MALT1: variants seen among roughly 807,000 people sequenced by gnomAD.
MALT1 encodes the protein mucosa-associated lymphoid tissue lymphoma translocation protein 1.
MALT1 carries 36 observed loss-of-function variants against 85.5 expected under a neutral mutation model. The observed-to-expected ratio is 0.42, with a 90% CI of 0.32 to 0.56. The LOEUF (loss-of-function observed/expected upper bound fraction) is 0.56, where lower values mean the gene tolerates loss of function less well. MALT1 is among the 20% of genes least tolerant of loss of function. The probability of loss-of-function intolerance (pLI) is 0.10; values close to 1 mark genes in which losing one functional copy is unlikely to be tolerated. For missense variants in MALT1, 716 were observed against 981.6 expected (o/e 0.73, Z 3.62); for synonymous variants, 359 against 361.3 (o/e 0.99, Z 0.07).
chr18:58,734,218 T>G (rs1288410417), intron 11 of MALT1, 89 bp from the exon 12 acceptor site: 2 of 1,123,268 alleles, frequency 1.8e-6, no homozygotes, highest in Non-Finnish European at 2.6e-6. Context: ...TCTAAAAAAC[T>G]GTTGTATTTT....
intron 13 of MALT1, among the ~76,000 whole-genome samples, chr18:58,736,221 A>G (rs1183740536): frequency 2.6e-5 from 4 of 152,242 alleles, no homozygotes; most frequent in Admixed American, 6.5e-5. Flanking sequence ...CAGTTTGGGT[A>G]TAAGGTGTTT....
At position 58,733,167 on chromosome 18, in the gene MALT1, T is replaced by TC. The variant is rs368351682; in HGVS notation, c.1223-227dup. 4.2e-3 allele frequency among the ~76,000 whole-genome samples: 636 copies of TC among 152,308 alleles called. 7 individuals carry two copies. The highest frequency in any genetic ancestry group is 0.014 in the African/African-American group (588 of 41,542). ...CTCAAGTGATCTGCCTGCCTCGGCC[T>TC]CCCAAAGTGCTGGGATTATAGGTGT... is the stretch of plus-strand genomic sequence containing the variant. On this transcript the variant is annotated intron_variant, in intron 10 of 16. Transcript: ENST00000649217.
chr18:58,702,223 A>G (rs540946890), intron 4 of MALT1, among the ~76,000 whole-genome samples: 2 of 149,632 alleles, frequency 1.3e-5, no homozygotes, highest in South Asian at 4.3e-4. Flanking sequence ...AAAAATGCAA[A>G]AAAAAAAAAA....
chr18:58,701,898 T>C (rs946973369), intron 4 of MALT1, among the ~76,000 whole-genome samples: 4 of 152,196 alleles, frequency 2.6e-5, no homozygotes, highest in Admixed American at 2.6e-4. Context: ...CCAATAGCAC[T>C]CAGTAGATGT....
At chr18:58,736,781 G>C (rs2055227486) in intron 13 of MALT1, among the ~76,000 whole-genome samples, 2 of 152,210 alleles carry the variant, frequency 1.3e-5, no homozygotes, top group Admixed American at 1.3e-4. Flanking sequence ...AGTGTACATG[G>C]AGCACACTCA....
chr18:58,736,648 C>G (rs555075551), intron 13 of MALT1, among the ~76,000 whole-genome samples: 1 of 152,160 alleles, frequency 6.6e-6, no homozygotes, highest in East Asian at 1.9e-4. Context: ...AATGGCATCC[C>G]GATATGTGCT....
chr18:58,722,549 TTCTC>T (rs199667565), intron 9 of MALT1, among the ~76,000 whole-genome samples: 8 of 151,948 alleles, frequency 5.3e-5, no homozygotes, highest in Admixed American at 3.3e-4. Flanking sequence ...ACCCGTGAAG[TTCTC>T]TCTCTCTTTG....
chr18:58,693,345 C>T (rs1026007108), intron 2 of MALT1, among the ~76,000 whole-genome samples: 1 of 152,142 alleles, frequency 6.6e-6, no homozygotes, highest in African/African-American at 2.4e-5. Flanking sequence ...TTGCTTACAC[C>T]TGGAAGGCGG....
At chr18:58,711,010 T>C in intron 7 of MALT1, 57 bp downstream of exon 7, 1 of 1,311,642 alleles carries the variant, frequency 7.6e-7, no homozygotes, top group African/African-American at 1.5e-5. Context: ...ACTCTTGGGA[T>C]TGGTGGAGTG....
At chr18:58,705,009 G>A (rs1451400085) in intron 4 of MALT1, among the ~76,000 whole-genome samples, 2 of 141,162 alleles carry the variant, frequency 1.4e-5, no homozygotes, top group Non-Finnish European at 3.1e-5. Context: ...ACCTCTTTTG[G>A]ACTGGGATTA....
intron 7 of MALT1, among the ~76,000 whole-genome samples, chr18:58,712,152 C>G (rs1310861451): frequency 6.6e-6 from 1 of 152,134 alleles, no homozygotes; most frequent in African/African-American, 2.4e-5. Flanking sequence ...TCAAATAACT[C>G]TATTTAGAAC....
At chr18:58,677,720 T>C (rs1181034862) in intron 1 of MALT1, 3 of 152,224 alleles carry the variant, frequency 2.0e-5, no homozygotes, top group Non-Finnish European at 2.9e-5. Context: ...TACCTTGGAC[T>C]GCAGATTGTG....
chr18:58,719,888 T>C, intron 9 of MALT1, among the ~76,000 whole-genome samples: 1 of 151,558 alleles, frequency 6.6e-6, no homozygotes. Flanking sequence ...ATGTGATTTT[T>C]AAATAAATAC....
rs2054161799 is a variant in MALT1 at position 58,671,641 on chromosome 18, G to C, written c.-3G>C. The C allele has an allele frequency of 3.3e-6, 4 of 1,215,698 alleles. No individual in the cohort carries two copies. Among genetic ancestry groups the C allele is most frequent in the Non-Finnish European group, 4.1e-6 (4 of 977,516 alleles). The allele number at this position is 1,215,698 out of a possible 1,614,324, so 75.3% of individuals were successfully genotyped here. A position where few individuals can be genotyped will look rare whatever the true frequency, so the allele number is the denominator to read the frequency against. ...CGGCAGTCCGGGGTCGCCGGCGAGG[G>C]CCATGTCGCTGTTGGGGGACCCGCT... On this transcript the variant is annotated 5_prime_UTR_variant, in exon 1 of 17. Transcript: ENST00000649217.
chr18:58,719,599 CGTG>C (rs2054955592), intron 9 of MALT1, among the ~76,000 whole-genome samples: 1 of 152,160 alleles, frequency 6.6e-6, no homozygotes, highest in South Asian at 2.1e-4. Context: ...CAAAGAAAGT[CGTG>C]ATACAGCCCA....
chr18:58,675,179 T>C (rs1403313762), intron 1 of MALT1: 2 of 152,214 alleles, frequency 1.3e-5, no homozygotes, highest in Non-Finnish European at 2.9e-5. Context: ...GTAAATTCTT[T>C]GGTGGCATGG....
intron 1 of MALT1, among the ~76,000 whole-genome samples, chr18:58,677,174 A>G (rs980774425): frequency 2.2e-5 from 3 of 136,430 alleles, no homozygotes; most frequent in East Asian, 2.0e-4. Flanking sequence ...GCCAGTGCCC[A>G]TACGGAAAAT....
intron 13 of MALT1, among the ~76,000 whole-genome samples, chr18:58,738,206 C>T (rs924205365): frequency 1.3e-5 from 2 of 152,024 alleles, no homozygotes; most frequent in African/African-American, 4.8e-5. Flanking sequence ...AAAAAGTATG[C>T]GTAGTTTTGT....
chr18:58,680,304 C>T (rs1396934904), intron 1 of MALT1, among the ~76,000 whole-genome samples: 1 of 152,110 alleles, frequency 6.6e-6, no homozygotes, highest in Non-Finnish European at 1.5e-5. Context: ...GTGTATTATA[C>T]ACAGTTTTTT....
Sources: allele counts gnomAD v4.1 joint callset (sites outside exome capture counted in the v4.1 genomes callset), GRCh38; gene constraint gnomAD v4.1.1; transcripts MANE v1.5; gene names NCBI Gene and HGNC (gene_info 2026-07-23, HGNC 2026-07-21).